Variants in HIVEP3 observed in about 807,000 individuals in gnomAD.
HIVEP3 encodes transcription factor HIVEP3.
In HIVEP3, 49 loss-of-function variants were observed where a neutral mutation model predicts 152.8. The observed-to-expected ratio is 0.32, with a 90% confidence interval of 0.26 to 0.41. The LOEUF is 0.41. Among genes scored for constraint, HIVEP3 ranks in the 10% least tolerant of loss-of-function variants. HIVEP3 has a pLI of 1.00. For synonymous variants in HIVEP3, 1,269 were observed against 1,289.0 expected, an observed-to-expected ratio of 0.98 and a Z score of 0.33; for missense variants, 2,790 against 3,103.3, an observed-to-expected ratio of 0.90 and a Z score of 2.40.
chr1:41,777,518 T>C (rs1648782776), intron 1 of HIVEP3, among the ~76,000 whole-genome samples: 1 of 152,226 alleles, frequency 6.6e-6, no homozygotes. Flanking sequence ...AAGTCCCTGG[T>C]CCACGGTATT....
chr1:41,737,532 C>T (rs1056000691), intron 1 of HIVEP3, among the ~76,000 whole-genome samples: 1 of 152,156 alleles, frequency 6.6e-6, no homozygotes. Flanking sequence ...GCTACCATGG[C>T]CCATTGAATC....
At chr1:41,961,699 T>C (rs1645170577) in intron 1 of HIVEP3, among the ~76,000 whole-genome samples, 2 of 152,272 alleles carry the variant, frequency 1.3e-5, no homozygotes, top group African/African-American at 4.8e-5. Context: ...TGCAGCATTA[T>C]GGTGATAACT....
intron 1 of HIVEP3, among the ~76,000 whole-genome samples, chr1:41,849,838 G>A (rs1183127581): frequency 6.6e-6 from 1 of 151,940 alleles, no homozygotes; most frequent in Non-Finnish European, 1.5e-5. Context: ...CTACAGGCAT[G>A]CACCACCATG....
intron 1 of HIVEP3, among the ~76,000 whole-genome samples, chr1:41,819,122 C>T (rs1054792531): frequency 1.1e-4 from 17 of 152,094 alleles, no homozygotes; most frequent in African/African-American, 3.9e-4. Flanking sequence ...AATTCAGAGC[C>T]CACTCTCCCT....
chr1:41,745,186 C>T (rs144430031), intron 1 of HIVEP3, among the ~76,000 whole-genome samples: 1 of 152,314 alleles, frequency 6.6e-6, no homozygotes, highest in African/African-American at 2.4e-5. Context: ...AGACATTTCC[C>T]CTTTCTCTAA....
chr1:41,814,080 T>G (rs560970693), intron 1 of HIVEP3, among the ~76,000 whole-genome samples: 8 of 152,210 alleles, frequency 5.3e-5, no homozygotes, highest in Non-Finnish European at 1.0e-4. Flanking sequence ...CCTTGGGCAC[T>G]CTTATCTTGC....
In HIVEP3 at chr1:41,582,201, C is replaced by T. The variant is rs756682429; in HGVS notation, c.2597G>A (p.Arg866Gln). Residue 866 changes from arginine (R) to glutamine (Q), a missense_variant, in exon 4 of 9, where the codon CGG (arginine) becomes CAG (glutamine). Transcript: ENST00000372583. This position sits in a 1 kb window ranked among gnomAD's most constrained non-coding sequence, Gnocchi z 4.7. Reference sequence around the variant, plus strand: ...GGGCGGCTCTGGCTCTGTGTCCGGCCGGTCAGGCTCCTCAGTTACTAGGAT... The same window carrying T: ...GGGCGGCTCTGGCTCTGTGTCCGGCTGGTCAGGCTCCTCAGTTACTAGGAT... ...PEILVTEEPD[R>Q]PDTEPEPPPK... is the part of the protein sequence containing the mutation. 2.7e-5 allele frequency: 44 copies of T among 1,613,910 alleles called. No homozygotes were observed. In the East Asian group the frequency reaches 6.5e-4, roughly 24 times the overall value.
At position 41,580,584 on chromosome 1, in the gene HIVEP3, C is replaced by T. The variant is rs571442463; in HGVS notation, c.4214G>A (p.Arg1405Lys). Reference sequence around the variant, plus strand: ...CTCTGATGACAGGGAAGTGCCTTTTCTTTCAGGTAATGTCACAGGCACTCT... The same window carrying T: ...CTCTGATGACAGGGAAGTGCCTTTTTTTTCAGGTAATGTCACAGGCACTCT... ...YLRVPVTLPE[R>K]KGTSLSSESI... The change falls in exon 4 of 9, where the codon AGA becomes AAA. Residue 1405 changes from arginine (R) to lysine (K), a missense_variant. Physicochemically the swap from Arg to Lys is conservative, Grantham distance 26 (BLOSUM62 2). Around this residue, in one of 9 missense-constraint regions of HIVEP3, gnomAD observed 1,078 missense variants for 1,165.3 expected, o/e 0.93. Transcript: ENST00000372583. 1.9e-6 allele frequency: 3 copies of T among 1,614,200 alleles called. No homozygotes were observed. The Admixed American group carries it at 5.0e-5, about 27-fold the overall frequency.
rs148793314 is a variant in HIVEP3, at chr1:41,581,229, G to A, written c.3569C>T (p.Pro1190Leu). 175 of 1,577,200 alleles carry A rather than the reference G, an allele frequency of 1.1e-4. No homozygotes were observed. Among genetic ancestry groups the A allele is most frequent in the Middle Eastern group, 1.7e-4 (1 of 5,902 alleles). ...CAGAACAGTAGGCTGGAGAGGAAGC[G>A]GTGGGGCTTGAAATAAGGAGGGAGG... ...PLPPSLFQAP[P>L]LPLQPTVLHP... The change falls in exon 4 of 9, where the codon CCG becomes CTG. Residue 1190 changes from proline (P) to leucine (L), a missense_variant. Coordinates refer to ENST00000372583, the MANE Select transcript of HIVEP3 (RefSeq NM_024503.5). The surrounding 1 kb of genome is among the most constrained non-coding windows in gnomAD (Gnocchi z 4.5).
chr1:41,640,908 T>C (rs10789408), intron 2 of HIVEP3, among the ~76,000 whole-genome samples: 78,514 of 151,996 alleles, frequency 0.52, 20,671 homozygotes, highest in Non-Finnish European at 0.56. Flanking sequence ...AAACTGGACA[T>C]TACTGGTCTT....
chr1:41,803,528 G>A (rs1047383925), intron 1 of HIVEP3, among the ~76,000 whole-genome samples: 5 of 152,168 alleles, frequency 3.3e-5, no homozygotes, highest in Non-Finnish European at 5.9e-5. Context: ...CCCCAGCATT[G>A]CTTTTCCTGT....
At chr1:41,998,884 TC>T (rs1645410246) in intron 1 of HIVEP3, among the ~76,000 whole-genome samples, 2 of 71,156 alleles carry the variant, frequency 2.8e-5, no homozygotes, top group Non-Finnish European at 5.2e-5. Context: ...TACTTTTCTC[TC>T]TCTCTTTTTT....
At chr1:41,882,467 T>G (rs1269774434) in intron 1 of HIVEP3, among the ~76,000 whole-genome samples, 1 of 152,182 alleles carries the variant, frequency 6.6e-6, no homozygotes, top group African/African-American at 2.4e-5. Context: ...TCATCTCTCC[T>G]CTAGGTAGAC....
intron 1 of HIVEP3, among the ~76,000 whole-genome samples, chr1:41,731,715 A>ATG (rs1175154415): frequency 3.3e-5 from 5 of 152,308 alleles, no homozygotes; most frequent in Middle Eastern, 3.4e-3. Context: ...TGAGGGAGCC[A>ATG]TCTGGAAAGG....
chr1:42,017,070 C>A (rs1191231638), intron 1 of HIVEP3, among the ~76,000 whole-genome samples: 1 of 152,046 alleles, frequency 6.6e-6, no homozygotes, highest in East Asian at 1.9e-4. Context: ...GTCTGATGGT[C>A]TGACTGGCAA....
At chr1:41,554,775 T>C (rs1236433421) in intron 5 of HIVEP3, among the ~76,000 whole-genome samples, 1 of 152,220 alleles carries the variant, frequency 6.6e-6, no homozygotes, top group Non-Finnish European at 1.5e-5. Context: ...TGGAGTTTGC[T>C]GGAGGTCCAC....
chr1:41,950,110 T>C (rs1056640688), intron 1 of HIVEP3, among the ~76,000 whole-genome samples: 14 of 151,910 alleles, frequency 9.2e-5, no homozygotes, highest in African/African-American at 3.4e-4. Context: ...ACCAATCAGG[T>C]AGTAAAGAGA....
At chr1:41,911,382 G>A (rs1644793643) in intron 1 of HIVEP3, among the ~76,000 whole-genome samples, 1 of 152,202 alleles carries the variant, frequency 6.6e-6, no homozygotes, top group Non-Finnish European at 1.5e-5. Flanking sequence ...TGCAAGATTA[G>A]AGAGCAGTAG....
intron 3 of HIVEP3, among the ~76,000 whole-genome samples, chr1:41,599,640 TA>T (rs1448832987): frequency 8.6e-5 from 13 of 152,046 alleles, no homozygotes; most frequent in Non-Finnish European, 1.9e-4. Context: ...TTAGAAAACA[TA>T]AGGAAGAAGC....
Sources: allele counts gnomAD v4.1 joint callset (sites outside exome capture counted in the v4.1 genomes callset), GRCh38; gene constraint gnomAD v4.1.1; regional missense constraint gnomAD v4.1.1; non-coding constraint Gnocchi (gnomAD v3.1); transcripts MANE v1.5; gene names NCBI Gene and HGNC (gene_info 2026-07-23, HGNC 2026-07-21).